The following ZBTB49 variants were observed in gnomAD, a reference collection of about 807,000 sequenced individuals.
ZBTB49 encodes zinc finger and BTB domain-containing protein 49.
Under a neutral mutation model 57.5 loss-of-function variants are expected in ZBTB49, and 43 were observed. The observed-to-expected ratio is 0.75, with a 90% CI of 0.59 to 0.97. ZBTB49 has a LOEUF of 0.97. Among genes scored for constraint, ZBTB49 ranks in the 50% least tolerant of loss-of-function variants. The probability of loss-of-function intolerance (pLI) is 0.00; values close to 1 mark genes in which losing one functional copy is unlikely to be tolerated. For synonymous variants in ZBTB49, 369 were observed against 362.1 expected (o/e 1.02, Z -0.22); for missense variants, 938 against 947.7 (o/e 0.99, Z 0.13).
chr4:4,309,818 T>C (rs2980176), intron 4 of ZBTB49, among the ~76,000 whole-genome samples: 175 of 152,366 alleles, frequency 1.1e-3, no homozygotes, highest in African/African-American at 3.9e-3. Context: ...TCTGAGGTTA[T>C]ATTTGCCACA....
chr4:4,311,992 A>G (rs576230190), intron 4 of ZBTB49, among the ~76,000 whole-genome samples: 80 of 152,304 alleles, frequency 5.3e-4, no homozygotes, highest in African/African-American at 1.8e-3. Context: ...CTCATCTTCA[A>G]ATCTTAACCA....
At chr4:4,308,551 T>C (rs1273325135) in intron 4 of ZBTB49, among the ~76,000 whole-genome samples, 7 of 152,244 alleles carry the variant, frequency 4.6e-5, no homozygotes, top group Non-Finnish European at 8.8e-5. Flanking sequence ...GTTTCTGTGA[T>C]TGTAGAGTCA....
chr4:4,294,657 T>A (rs1720102640), intron 1 of ZBTB49, among the ~76,000 whole-genome samples: 1 of 152,190 alleles, frequency 6.6e-6, no homozygotes, highest in African/African-American at 2.4e-5. Flanking sequence ...ACCCAGCCTC[T>A]AATTCCTATA....
chr4:4,315,181 C>G (rs1721134804), intron 5 of ZBTB49, among the ~76,000 whole-genome samples: 2 of 152,222 alleles, frequency 1.3e-5, no homozygotes, highest in African/African-American at 4.8e-5. Context: ...AGAACTCACT[C>G]TGGGCCCTCT....
At chr4:4,300,125 GCT>G in intron 2 of ZBTB49, 28 bp downstream of exon 2, 1 of 1,611,430 alleles carries the variant, frequency 6.2e-7, no homozygotes, top group South Asian at 1.1e-5. Flanking sequence ...CATTCTCCTA[GCT>G]GTGAATTAAG....
At chr4:4,298,576 G>A (rs553181764) in intron 1 of ZBTB49, among the ~76,000 whole-genome samples, 2 of 152,172 alleles carry the variant, frequency 1.3e-5, no homozygotes, top group East Asian at 1.9e-4. Flanking sequence ...ACAGGCATGT[G>A]CCACCATGCC....
chr4:4,302,497 A>G lies in ZBTB49; in HGVS notation c.661A>G (p.Ser221Gly). 6.2e-7 allele frequency: 1 copy of G among 1,614,192 alleles called. No homozygotes were observed. The highest frequency in any genetic ancestry group is 8.5e-7 in the Non-Finnish European group (1 of 1,180,020). The change falls in exon 3 of 8, where the codon AGT becomes GGT. Residue 221 changes from serine (S) to glycine (G), a missense_variant. Coordinates refer to ENST00000337872, the MANE Select transcript of ZBTB49 (RefSeq NM_145291.4). ...CTATTACAAACTCAGAAACTTTTAC[A>G]GTAAGCAGTACCATAAACACGCAGC... Reference protein sequence around the residue: ...NYYYKLRNFYSKQYHKHAAGP... With the variant: ...NYYYKLRNFYGKQYHKHAAGP...
chr4:4,301,638 A>G (rs1720475997), intron 2 of ZBTB49, among the ~76,000 whole-genome samples: 1 of 152,160 alleles, frequency 6.6e-6, no homozygotes, highest in Non-Finnish European at 1.5e-5. Context: ...ATTTAGAGCA[A>G]TCTTTTATTT....
chr4:4,318,801 C>G (rs915561036), intron 7 of ZBTB49, among the ~76,000 whole-genome samples: 5 of 151,798 alleles, frequency 3.3e-5, no homozygotes, highest in Non-Finnish European at 5.9e-5. Context: ...GAGCCTGAGC[C>G]TTACATTGTG....
At position 4,308,763 on chromosome 4, in the gene ZBTB49, G is replaced by A. The variant is rs535390570; in HGVS notation, c.1302+2579G>A. On this transcript the variant is annotated intron_variant, in intron 4 of 7. Transcript: ENST00000337872. The stretch of plus-strand genomic sequence containing the variant: ...TTATTGTTTAGAGGAAGCAACAGAC[G>A]TGTAAATGATCGAGTACAGTGAAAT... Among the ~76,000 whole-genome samples, 5 of 152,318 alleles carry A rather than the reference G, an allele frequency of 3.3e-5. No homozygotes were observed. In the South Asian group the frequency reaches 6.2e-4, roughly 19 times the overall value.
chr4:4,307,078 AC>A (rs1243317214), intron 4 of ZBTB49, among the ~76,000 whole-genome samples: 3 of 152,216 alleles, frequency 2.0e-5, no homozygotes, highest in Non-Finnish European at 4.4e-5. Flanking sequence ...CCATTTGCTC[AC>A]ACACCCAAAC....
intron 5 of ZBTB49, 86 bp downstream of exon 5, chr4:4,313,200 C>G: frequency 6.6e-7 from 1 of 1,512,410 alleles, no homozygotes; most frequent in Non-Finnish European, 9.0e-7. Flanking sequence ...GAAGTGGTGG[C>G]TCACAGATGA....
At chr4:4,305,083 A>T (rs1347655832) in intron 3 of ZBTB49, among the ~76,000 whole-genome samples, 2 of 152,068 alleles carry the variant, frequency 1.3e-5, no homozygotes, top group Admixed American at 6.5e-5. Flanking sequence ...TTAACTTATT[A>T]TCTGTCACCC....
chr4:4,309,981 GAT>G (rs1236843505), intron 4 of ZBTB49, among the ~76,000 whole-genome samples: 4 of 152,040 alleles, frequency 2.6e-5, no homozygotes, highest in Non-Finnish European at 5.9e-5. Context: ...TAATATCTGG[GAT>G]CTCTTTTATC....
At position 4,302,516 on chromosome 4, in the gene ZBTB49, A is replaced by T. The variant is rs763213965; in HGVS notation, c.680A>T (p.His227Leu). The T allele has an allele frequency of 1.2e-6, 2 of 1,613,940 alleles. No homozygotes were observed. The highest frequency in any genetic ancestry group is 1.7e-5 in the Admixed American group (1 of 59,992). The change falls in exon 3 of 8, where the codon CAC becomes CTC. Residue 227 changes from histidine to leucine, a missense_variant. Physicochemically the swap from His to Leu is moderately conservative, Grantham distance 99. This residue lies in a region of ZBTB49 where 835 missense variants were observed against 819.1 expected (regional missense o/e 1.02). Coordinates refer to ENST00000337872, the MANE Select transcript of ZBTB49 (RefSeq NM_145291.4). The part of the protein sequence containing the change: ...RNFYSKQYHK[H>L]AAGPSQERVV... ...TTTTACAGTAAGCAGTACCATAAAC[A>T]CGCAGCTGGTCCCAGTCAGGAGAGA...
intron 1 of ZBTB49, among the ~76,000 whole-genome samples, chr4:4,297,487 G>A (rs1374918974): frequency 3.9e-5 from 6 of 152,138 alleles, no homozygotes; most frequent in African/African-American, 1.4e-4. Context: ...AACCCAGAGC[G>A]GGTTAAGAAT....
chr4:4,294,214 C>T (rs1457519547), intron 1 of ZBTB49, among the ~76,000 whole-genome samples: 1 of 151,786 alleles, frequency 6.6e-6, no homozygotes, highest in Non-Finnish European at 1.5e-5. Flanking sequence ...ATTTTTTTTC[C>T]AGACCTTTTT....
At chr4:4,308,572 T>C (rs574279063) in intron 4 of ZBTB49, among the ~76,000 whole-genome samples, 1 of 152,364 alleles carries the variant, frequency 6.6e-6, no homozygotes, top group Non-Finnish European at 1.5e-5. Flanking sequence ...TACATAGTGA[T>C]AGTTTTCAGA....
chr4:4,308,878 A>C (rs947915439), intron 4 of ZBTB49, among the ~76,000 whole-genome samples: 2 of 152,242 alleles, frequency 1.3e-5, no homozygotes, highest in Non-Finnish European at 2.9e-5. Flanking sequence ...TTGGGACAGC[A>C]TGAGGCCATG....
Sources: allele counts gnomAD v4.1 joint callset (sites outside exome capture counted in the v4.1 genomes callset), GRCh38; gene constraint gnomAD v4.1.1; regional missense constraint gnomAD v4.1.1; transcripts MANE v1.5; gene names NCBI Gene and HGNC (gene_info 2026-07-23, HGNC 2026-07-21).